MYO7B: variants seen among roughly 807,000 people sequenced by gnomAD.
MYO7B encodes unconventional myosin-VIIb.
In MYO7B, 212 loss-of-function variants were observed where a neutral mutation model predicts 259.7. The observed-to-expected ratio is 0.82, with a 90% CI of 0.73 to 0.91. MYO7B has a LOEUF of 0.91. Among genes scored for constraint, MYO7B ranks in the 40% least tolerant of loss-of-function variants. The pLI is 0.00. For synonymous variants in MYO7B, 1,197 were observed against 1,166.4 expected, an observed-to-expected ratio of 1.03 and a Z score of -0.54; for missense variants, 2,732 against 2,813.5, an observed-to-expected ratio of 0.97 and a Z score of 0.66.
chr2:127,609,826 G>C lies in MYO7B; in HGVS notation c.3025-23G>C, dbSNP rs1228115955. ...CATAGTCACTGATGGGTTCCCACTG[G>C]GCCTTCTGTCTTGTTTCCCCAGGCC... On this transcript the variant is annotated intron_variant, in intron 23 of 47. Transcript: ENST00000409816. This position sits in a 1 kb window ranked among gnomAD's most constrained non-coding sequence, Gnocchi z 6.9. 1 of 1,613,306 alleles carries C rather than the reference G, an allele frequency of 6.2e-7. No individual in the cohort carries two copies. The highest frequency in any genetic ancestry group is 8.5e-7 in the Non-Finnish European group (1 of 1,179,524).
chr2:127,634,891 C>T (rs2105148963), intron 42 of MYO7B: 2 of 648,088 alleles, frequency 3.1e-6, no homozygotes, highest in East Asian at 5.4e-5. Flanking sequence ...GAAGGATGCC[C>T]CAGGGCTGAG....
Position 127,634,596 on chromosome 2 carries a change from G to A in MYO7B, c.5626G>A (p.Val1876Ile), listed in dbSNP as rs766210141. The A allele has an allele frequency of 6.2e-7, 1 of 1,610,866 alleles. No individual in the cohort carries two copies. Among genetic ancestry groups the A allele is most frequent in the African/African-American group, 1.3e-5 (1 of 74,884 alleles). ...CSLFIKISDKVISQKEGDFFF... is the reference protein window; with the variant it reads ...CSLFIKISDKIISQKEGDFFF... ...TTCCCTGTACCTTCCCCTTCCCCAGGTCATCAGCCAGAAGGAGGGAGACTT... is the reference window on the plus strand; with the variant it reads ...TTCCCTGTACCTTCCCCTTCCCCAGATCATCAGCCAGAAGGAGGGAGACTT... The change falls in exon 42 of 48, where the codon GTC (valine) becomes ATC (isoleucine). Residue 1876 changes from valine to isoleucine, a missense_variant and splice_region_variant. This residue lies in a region of MYO7B where 821 missense variants were observed against 769.3 expected (regional missense o/e 1.07). Coordinates refer to ENST00000409816, the MANE Select transcript of MYO7B (RefSeq NM_001393586.1).
intron 19 of MYO7B, among the ~76,000 whole-genome samples, chr2:127,604,629 C>G (rs1450501585): frequency 1.3e-5 from 2 of 152,206 alleles, no homozygotes. Context: ...TTAATCATTT[C>G]TCACTTTTGA....
intron 2 of MYO7B, among the ~76,000 whole-genome samples, chr2:127,563,490 CAG>C (rs972388544): frequency 2.6e-5 from 4 of 152,202 alleles, no homozygotes; most frequent in Non-Finnish European, 4.4e-5. Flanking sequence ...TCCCACCCCA[CAG>C]AGAGACTGCT....
Position 127,609,920 on chromosome 2 carries a change from G to A in MYO7B, c.3096G>A (p.Arg1032=), listed in dbSNP as rs1573688749. Residue 1032 remains arginine (R), a synonymous_variant, in exon 24 of 48, where the codon AGG becomes AGA. Transcript: ENST00000409816. The surrounding 1 kb of genome is among the most constrained non-coding windows in gnomAD (Gnocchi z 6.9). ...TCCCAGAGCCAGTGCTGTATGCCAGGAGCAGCCAGCAGGGCAGCTCAGTGA... is the reference window on the plus strand; with the variant it reads ...TCCCAGAGCCAGTGCTGTATGCCAGAAGCAGCCAGCAGGGCAGCTCAGTGA... ...GDLPEPVLYA[R]SSQQGSSVMR... The A allele has an allele frequency of 1.2e-6, 2 of 1,610,270 alleles. No homozygotes were observed. The highest frequency in any genetic ancestry group is 1.7e-6 in the Non-Finnish European group (2 of 1,178,200).
chr2:127,554,163 C>T (rs1342486865), intron 1 of MYO7B, among the ~76,000 whole-genome samples: 1 of 152,192 alleles, frequency 6.6e-6, no homozygotes, highest in Non-Finnish European at 1.5e-5. Flanking sequence ...CAACCTCTGC[C>T]TCCCGGGTTT....
At chr2:127,580,650 G>GTGGA in intron 9 of MYO7B, 96 bp from the exon 10 acceptor site, 1 of 1,215,366 alleles carries the variant, frequency 8.2e-7, no homozygotes, top group Non-Finnish European at 1.2e-6. Flanking sequence ...GTCCTCCTGA[G>GTGGA]TGGATCTGGG....
intron 38 of MYO7B, 109 bp from the exon 39 acceptor site, chr2:127,632,123 TGCCCTCCCCCTCGG>T: frequency 8.6e-7 from 1 of 1,162,526 alleles, no homozygotes; most frequent in Non-Finnish European, 1.2e-6. Flanking sequence ...GCCTGGCAGG[TGCCCTCCCCCTCGG>T]GCCCTCTAGA....
At chr2:127,629,267 T>C (rs1681332316) in intron 34 of MYO7B, among the ~76,000 whole-genome samples, 1 of 152,070 alleles carries the variant, frequency 6.6e-6, no homozygotes, top group African/African-American at 2.4e-5. Context: ...AGGATTGCCA[T>C]CTCCAAATTC....
chr2:127,567,399 C>T (rs1460360099), intron 5 of MYO7B, among the ~76,000 whole-genome samples: 1 of 152,140 alleles, frequency 6.6e-6, no homozygotes, highest in African/African-American at 2.4e-5. Flanking sequence ...CACTAGGGGA[C>T]CAGAAGGAAA....
intron 19 of MYO7B, 45 bp from the exon 20 acceptor site, chr2:127,605,799 C>A: frequency 6.4e-7 from 1 of 1,565,402 alleles, no homozygotes; most frequent in Non-Finnish European, 8.8e-7. Flanking sequence ...AAGCTTTAAA[C>A]CATCTGGGAT....
chr2:127,588,382 G>C lies in MYO7B; in HGVS notation c.1691-10G>C. On this transcript the variant is annotated splice_polypyrimidine_tract_variant and intron_variant, in intron 14 of 47. Coordinates refer to ENST00000409816, the MANE Select transcript of MYO7B (RefSeq NM_001393586.1). ...AGCTGGGATGCTGGGTGGGCCCTGT[G>C]TCTCCACAGGCTTCCTGGAGAAGAA... The C allele has an allele frequency of 6.2e-7, 1 of 1,612,026 alleles. No homozygotes were observed. Among genetic ancestry groups the C allele is most frequent in the East Asian group, 2.2e-5 (1 of 44,878 alleles).
chr2:127,631,009 CCACT>C, intron 36 of MYO7B, 101 bp downstream of exon 36: 6 of 1,397,196 alleles, frequency 4.3e-6, no homozygotes, highest in Non-Finnish European at 5.8e-6. Context: ...CTCATTGCAC[CCACT>C]GAGAGCTGCA....
In MYO7B at chr2:127,637,502, T is replaced by C; in HGVS notation, c.*85T>C. The C allele has an allele frequency of 9.4e-7, 1 of 1,068,638 alleles. No individual in the cohort carries two copies. Among genetic ancestry groups the C allele is most frequent in the East Asian group, 2.6e-5 (1 of 38,008 alleles). The allele number at this position is 1,068,638 out of a possible 1,614,324, so 66.2% of individuals were successfully genotyped here. A position where few individuals can be genotyped will look rare whatever the true frequency, so the allele number is the denominator to read the frequency against. On this transcript the variant is annotated 3_prime_UTR_variant, in exon 48 of 48. Transcript: ENST00000409816. ...TCCCAGGCCCTCTCAACCCAGGGCC[T>C]GTCCTTGGCGGGCAGCCTTCCATGC...
rs1016025943 is a variant in MYO7B, at chr2:127,577,335, A to G, written c.849+627A>G. ...CCTGCCTAGACTTCATGGGTCCCCCATCGCCAGTCTTGACCTCTAATCTGT... is the reference window on the plus strand; with the variant it reads ...CCTGCCTAGACTTCATGGGTCCCCCGTCGCCAGTCTTGACCTCTAATCTGT... On this transcript the variant is annotated intron_variant, in intron 8 of 47. Coordinates refer to ENST00000409816, the MANE Select transcript of MYO7B (RefSeq NM_001393586.1). The surrounding 1 kb of genome is among the most constrained non-coding windows in gnomAD (Gnocchi z 5.2). Among the ~76,000 whole-genome samples the G allele has an allele frequency of 2.0e-5, 3 of 152,094 alleles. No individual in the cohort carries two copies. Among genetic ancestry groups the G allele is most frequent in the Non-Finnish European group, 4.4e-5 (3 of 67,998 alleles).
At position 127,631,254 on chromosome 2, in the gene MYO7B, T is replaced by C; in HGVS notation, c.4986T>C (p.Arg1662=). The C allele has an allele frequency of 3.1e-6, 5 of 1,611,090 alleles. No individual in the cohort carries two copies. Among genetic ancestry groups the C allele is most frequent in the Middle Eastern group, 1.7e-4 (1 of 6,056 alleles). ...MVSMAVLPLA[R]ARGHLWAYSC... ...GCATGGCCGTGCTGCCCCTGGCCCG[T>C]GCCCGTGGCCACCTGTGGGCCTATT... is the stretch of plus-strand genomic sequence containing the variant. The change falls in exon 37 of 48, where the codon CGT becomes CGC. Residue 1662 remains arginine, a synonymous_variant. Coordinates refer to ENST00000409816, the MANE Select transcript of MYO7B (RefSeq NM_001393586.1).
chr2:127,606,934 AT>A (rs1173883935), intron 20 of MYO7B, among the ~76,000 whole-genome samples: 5 of 152,192 alleles, frequency 3.3e-5, no homozygotes, highest in Non-Finnish European at 7.4e-5. Flanking sequence ...AATTCTCTCC[AT>A]CCACGGCCCC....
At position 127,590,900 on chromosome 2, in the gene MYO7B, A is replaced by G. The variant is rs1023572382; in HGVS notation, c.1992+671A>G. Among the ~76,000 whole-genome samples, 5 of 152,276 alleles carry G rather than the reference A, an allele frequency of 3.3e-5. No individual in the cohort carries two copies. Among genetic ancestry groups the G allele is most frequent in the African/African-American group, 1.2e-4 (5 of 41,478 alleles). ...TTTTTGGAAAGAATAAAACTATGTG[A>G]AATCGAGTTTGATCTGGGTGCAGTA... On this transcript the variant is annotated intron_variant, in intron 16 of 47. Transcript: ENST00000409816. The surrounding 1 kb of genome is among the most constrained non-coding windows in gnomAD (Gnocchi z 4.6).
chr2:127,631,380 G>A lies in MYO7B; in HGVS notation c.5095+17G>A. 1 of 1,596,680 alleles carries A rather than the reference G, an allele frequency of 6.3e-7. No individual in the cohort carries two copies. Among genetic ancestry groups the A allele is most frequent in the Non-Finnish European group, 8.6e-7 (1 of 1,167,588 alleles). On this transcript the variant is annotated intron_variant, in intron 37 of 47. Coordinates refer to ENST00000409816, the MANE Select transcript of MYO7B (RefSeq NM_001393586.1). ...TCTTTGTCGATATCCTTCCCCACCA[G>A]CCTGCCTGCACCTCGTCAATGCCAG...
Sources: gnomAD v4.1 joint callset for allele counts (sites outside exome capture counted in the v4.1 genomes callset) on GRCh38, gnomAD v4.1.1 for gene constraint, gnomAD v4.1.1 regional missense constraint, Gnocchi (gnomAD v3.1) non-coding constraint, MANE v1.5 for transcripts, NCBI Gene and HGNC (gene_info 2026-07-23, HGNC 2026-07-21) for gene names.